Variants in SOX5 observed in about 807,000 individuals in gnomAD.
SOX5 encodes the protein SRY-box transcription factor 5.
In SOX5, 9 loss-of-function variants were observed where a neutral mutation model predicts 92.0. The ratio of observed to expected loss-of-function variants is 0.10; its 90% CI spans 0.06 to 0.17. The LOEUF (loss-of-function observed/expected upper bound fraction) is 0.17. SOX5 is among the 10% of genes least tolerant of loss of function. SOX5 has a pLI of 1.00. For synonymous variants in SOX5, 344 were observed against 336.3 expected (o/e 1.02, Z -0.25); for missense variants, 642 against 944.5 (o/e 0.68, Z 4.20).
chr12:23,970,841 A>ATATATATATATTTTTTTTTTT, intron 4 of SOX5, among the ~76,000 whole-genome samples: 1 of 21,878 alleles, frequency 4.6e-5, no homozygotes, highest in Non-Finnish European at 1.0e-4. Flanking sequence ...TATATATATA[A>ATATATATATATTTTTTTTTTT]TTTTTTTTTT....
Position 23,704,715 on chromosome 12 carries a change from TAC to T in SOX5, c.810+29967_810+29968del, listed in dbSNP as rs1373526853. On this transcript the variant is annotated intron_variant, in intron 6 of 14. Transcript: ENST00000451604. ...ATATATATATATATATATATATATA[TAC>T]ACACACACACACACATACACACATA... Among the ~76,000 whole-genome samples the T allele has an allele frequency of 5.4e-4, 58 of 108,376 alleles. 1 individual carries two copies. The East Asian group carries it at 8.2e-3, about 15-fold the overall frequency. The allele number at this position is 108,376 out of a possible 152,430, so 71.1% of individuals were successfully genotyped here. A position where few individuals can be genotyped will look rare whatever the true frequency, so the allele number is the denominator to read the frequency against.
chr12:24,120,430 C>T lies in SOX5; in HGVS notation c.-2+92913G>A, dbSNP rs576086338. On this transcript the variant is annotated intron_variant, in intron 4 of 4. Transcript: ENST00000446891. Reference sequence around the variant, plus strand: ...TTTACACTGGCCATCTTGTTCAATACTGTAAGTGATGAAAATCCAGAGAGT... The same window carrying T: ...TTTACACTGGCCATCTTGTTCAATATTGTAAGTGATGAAAATCCAGAGAGT... 9.2e-5 allele frequency among the ~76,000 whole-genome samples: 14 copies of T among 152,282 alleles called. No homozygotes were observed. The South Asian group carries it at 2.1e-3, about 23-fold the overall frequency.
At chr12:23,803,220 C>T (rs1380180929) in intron 3 of SOX5, among the ~76,000 whole-genome samples, 3 of 152,096 alleles carry the variant, frequency 2.0e-5, no homozygotes, top group Non-Finnish European at 2.9e-5. Flanking sequence ...TTCTTATTAA[C>T]TACTTATTTA....
chr12:24,541,529 A>T (rs1409332246), intron 1 of SOX5, among the ~76,000 whole-genome samples: 1 of 152,174 alleles, frequency 6.6e-6, no homozygotes, highest in Non-Finnish European at 1.5e-5. Context: ...TAGCTGCCCT[A>T]CTTTCCTTTA....
At chr12:24,098,941 G>C (rs1395925233) in intron 4 of SOX5, among the ~76,000 whole-genome samples, 1 of 152,138 alleles carries the variant, frequency 6.6e-6, no homozygotes, top group Non-Finnish European at 1.5e-5. Context: ...CGTAGTGTAT[G>C]TCTAGCAAAA....
intron 4 of SOX5, among the ~76,000 whole-genome samples, chr12:24,029,829 C>G (rs564448968): frequency 1.1e-4 from 16 of 151,926 alleles, no homozygotes; most frequent in African/African-American, 3.6e-4. Context: ...GGAGGACAAC[C>G]AACATTTAAC....
At chr12:23,727,498 A>G (rs2093197296) in intron 6 of SOX5, among the ~76,000 whole-genome samples, 1 of 152,162 alleles carries the variant, frequency 6.6e-6, no homozygotes, top group South Asian at 2.1e-4. Context: ...GGCAGTTGGG[A>G]GTAACAGAAG....
chr12:23,798,442 T>A (rs994296261), intron 3 of SOX5, among the ~76,000 whole-genome samples: 2 of 152,040 alleles, frequency 1.3e-5, no homozygotes, highest in African/African-American at 4.8e-5. Context: ...TAAGTTTGGG[T>A]ATCCTTCATT....
intron 2 of SOX5, among the ~76,000 whole-genome samples, chr12:24,313,634 C>T (rs568655894): frequency 6.6e-6 from 1 of 152,320 alleles, no homozygotes; most frequent in African/African-American, 2.4e-5. Context: ...CTCCTTGTTT[C>T]CCCATTGGAC....
intron 4 of SOX5, among the ~76,000 whole-genome samples, chr12:24,197,679 A>G (rs1957135533): frequency 6.6e-6 from 1 of 152,058 alleles, no homozygotes. Flanking sequence ...ACGAGCTAAC[A>G]CTGGTCTGCT....
chr12:23,894,443 T>C (rs1298311669), intron 2 of SOX5, among the ~76,000 whole-genome samples: 3 of 152,040 alleles, frequency 2.0e-5, no homozygotes, highest in Admixed American at 2.0e-4. Flanking sequence ...GGCCAGCTAG[T>C]CTTGAACTCC....
At chr12:24,511,837 A>G (rs1425746999) in intron 1 of SOX5, among the ~76,000 whole-genome samples, 1 of 151,950 alleles carries the variant, frequency 6.6e-6, no homozygotes, top group Non-Finnish European at 1.5e-5. Context: ...GGGTGCCTGT[A>G]GTCCCAGCTA....
chr12:24,291,885 A>C (rs919092388), intron 2 of SOX5, among the ~76,000 whole-genome samples: 6 of 152,214 alleles, frequency 3.9e-5, no homozygotes, highest in African/African-American at 1.4e-4. Context: ...AAAAGGAAGC[A>C]CTGTGGTTGC....
chr12:23,534,636 T>C (rs1392099306), intron 14 of SOX5, 114 bp from the exon 15 acceptor site: 20 of 747,550 alleles, frequency 2.7e-5, no homozygotes, highest in Non-Finnish European at 4.0e-5. Flanking sequence ...ACTAATTTTA[T>C]CTAATTGCCT....
intron 1 of SOX5, among the ~76,000 whole-genome samples, chr12:24,509,352 T>C (rs1377305613): frequency 6.6e-6 from 1 of 152,156 alleles, no homozygotes; most frequent in Non-Finnish European, 1.5e-5. Context: ...TCTTTTTCTC[T>C]CCTACCTTTT....
chr12:23,838,647 T>C (rs2096466196), intron 3 of SOX5, among the ~76,000 whole-genome samples: 2 of 152,050 alleles, frequency 1.3e-5, no homozygotes, highest in African/African-American at 4.8e-5. Flanking sequence ...TTAATATATT[T>C]GTAGAGAAGA....
Position 24,540,791 on chromosome 12 carries a change from T to C in SOX5, c.-251+21538A>G, listed in dbSNP as rs74360811. ...AACATTAATATGAATGCATAAATTA[T>C]AGTGCAATCGTTGTTTTCAAAAATC... On this transcript the variant is annotated intron_variant, in intron 1 of 4. Coordinates refer to the SOX5 transcript ENST00000446891. Among the ~76,000 whole-genome samples the C allele has an allele frequency of 6.1e-3, 931 of 152,274 alleles. 6 individuals carry two copies. The highest frequency in any genetic ancestry group is 0.022 in the African/African-American group (897 of 41,558).
chr12:24,043,409 G>A (rs1956705777), intron 4 of SOX5, among the ~76,000 whole-genome samples: 1 of 152,160 alleles, frequency 6.6e-6, no homozygotes, highest in Non-Finnish European at 1.5e-5. Flanking sequence ...TTGCAAAGGT[G>A]TGATATAAAA....
At chr12:23,872,007 C>CT (rs1272528356) in intron 2 of SOX5, among the ~76,000 whole-genome samples, 13 of 119,252 alleles carry the variant, frequency 1.1e-4, no homozygotes, top group Admixed American at 4.2e-4. Context: ...TTTTTTTTTT[C>CT]TTTTTTTTGA....
Sources: gnomAD v4.1 joint callset for allele counts (sites outside exome capture counted in the v4.1 genomes callset) on GRCh38, gnomAD v4.1.1 for gene constraint, MANE v1.5 for transcripts, NCBI Gene and HGNC (gene_info 2026-07-23, HGNC 2026-07-21) for gene names.